Variants in DCTN1 observed in about 807,000 individuals in gnomAD.
The protein encoded by DCTN1 is dynactin subunit 1, also known as 150 kDa dynein-associated polypeptide.
A neutral mutation model predicts 161.2 loss-of-function variants in DCTN1; 61 were observed. The observed-to-expected ratio is 0.38, with a 90% CI of 0.31 to 0.47. The LOEUF (loss-of-function observed/expected upper bound fraction) is 0.47. Ranked by LOEUF, DCTN1 falls within the 20% of genes least tolerant of loss-of-function variation. DCTN1 has a pLI of 0.99. For synonymous variants in DCTN1, 653 were observed against 632.4 expected, an observed-to-expected ratio of 1.03 and a Z score of -0.49; for missense variants, 1,404 against 1,623.7, an observed-to-expected ratio of 0.86 and a Z score of 2.33.
chr2:74,385,413 CCT>C (rs1675684195), intron 1 of DCTN1: 1 of 152,244 alleles, frequency 6.6e-6, no homozygotes, highest in Non-Finnish European at 1.5e-5. Context: ...GATTCCTCCC[CCT>C]GAATCAACCA....
At chr2:74,390,827 C>T (rs1277562552) in intron 1 of DCTN1, 3 of 169,344 alleles carry the variant, frequency 1.8e-5, no homozygotes, top group Admixed American at 5.9e-5. Flanking sequence ...CCATACTGCC[C>T]CTTCTAAATC....
chr2:74,379,516 A>G (rs79820058), intron 1 of DCTN1, among the ~76,000 whole-genome samples: 2,357 of 152,252 alleles, frequency 0.015, 59 homozygotes, highest in African/African-American at 0.054. Context: ...ACCTGACAAT[A>G]AAAGGAATTG....
intron 23 of DCTN1, 99 bp from the exon 24 acceptor site, chr2:74,366,117 C>T: frequency 1.2e-6 from 2 of 1,611,506 alleles, no homozygotes; most frequent in East Asian, 2.2e-5. Context: ...AAAACCCTGC[C>T]TTCTAGGCAG....
chr2:74,371,584 C>T lies in DCTN1; in HGVS notation c.598G>A (p.Val200Ile), dbSNP rs369722109. The T allele has an allele frequency of 6.3e-7, 1 of 1,586,524 alleles. No homozygotes were observed. Among genetic ancestry groups the T allele is most frequent in the African/African-American group, 1.3e-5 (1 of 74,616 alleles). The change falls in exon 8 of 32, where the codon GTC (valine) becomes ATC (isoleucine). Residue 200 changes from valine (V) to isoleucine (I), a missense_variant. Val to Ile is a conservative substitution (Grantham distance 29, BLOSUM62 3). This residue lies in a region of DCTN1 where 174 missense variants were observed against 175.6 expected (regional missense o/e 0.99). Coordinates refer to ENST00000628224, the MANE Select transcript of DCTN1 (RefSeq NM_004082.5). The stretch of plus-strand genomic sequence containing the variant: ...GGGACTGCTCCAGGAGAGGTGAGGA[C>T]CGGCGTGGGGATGATGGGTGCTGCC... ...PLAAPIIPTP[V>I]LTSPGAVPPL...
In DCTN1 at chr2:74,372,006, C is replaced by T. The variant is rs1185930079; in HGVS notation, c.454-278G>A. 1.4e-5 allele frequency: 6 copies of T among 430,210 alleles called. 1 individual carries two copies. The highest frequency in any genetic ancestry group is 9.0e-5 in the South Asian group (4 of 44,648). 26.6% of individuals were successfully genotyped at this position (430,210 alleles called of 1,614,324 possible). On this transcript the variant is annotated intron_variant, in intron 7 of 31. Transcript: ENST00000628224. ...AAAGACATAAGATTATAAGGCTCCT[C>T]GCTTGGCACTGACTCCACATTCCTC...
Position 74,361,220 on chromosome 2 carries a change from T to G in DCTN1, c.*279A>C. 1.7e-6 allele frequency: 1 copy of G among 585,680 alleles called. No homozygotes were observed. Among genetic ancestry groups the G allele is most frequent in the Non-Finnish European group, 3.2e-6 (1 of 311,750 alleles). 36.3% of individuals were successfully genotyped at this position (585,680 alleles called of 1,614,324 possible). A position where few individuals can be genotyped will look rare whatever the true frequency, so the allele number is the denominator to read the frequency against. On this transcript the variant is annotated 3_prime_UTR_variant, in exon 32 of 32. Transcript: ENST00000628224. ...CAATCAAGGGGACCTCACTTAACCT[T>G]TGGTGGTGGGGTCTCAGCCTACCCC...
rs1311574177 is a variant in DCTN1 at position 74,371,518 on chromosome 2, C to T, written c.645+19G>A. The T allele has an allele frequency of 7.7e-6, 12 of 1,556,176 alleles. No individual in the cohort carries two copies. In the African/African-American group the frequency reaches 1.6e-4, roughly 21 times the overall value. On this transcript the variant is annotated intron_variant, in intron 8 of 31. Transcript: ENST00000628224. ...CTCTGGGTGTCTTGATTCTCCTTTA[C>T]CCCTACCCCAGGCCTTACCTTGGAT...
Position 74,369,501 on chromosome 2 carries a change from C to T in DCTN1, c.1393-10G>A. 6.2e-7 allele frequency: 1 copy of T among 1,611,276 alleles called. No individual in the cohort carries two copies. The highest frequency in any genetic ancestry group is 8.5e-7 in the Non-Finnish European group (1 of 1,179,972). ...TCTCATTCATCGCTTCCTAGGACACCACACCATAGTTTGGGCTAAAGAAAG... is the reference window on the plus strand; with the variant it reads ...TCTCATTCATCGCTTCCTAGGACACTACACCATAGTTTGGGCTAAAGAAAG... On this transcript the variant is annotated splice_polypyrimidine_tract_variant and intron_variant, in intron 13 of 31. Transcript: ENST00000628224. This position sits in a 1 kb window ranked among gnomAD's most constrained non-coding sequence, Gnocchi z 4.9.
intron 5 of DCTN1, among the ~76,000 whole-genome samples, chr2:74,376,406 C>T (rs145017446): frequency 8.5e-5 from 13 of 152,316 alleles, no homozygotes; most frequent in Non-Finnish European, 1.2e-4. Flanking sequence ...CGTCCAAGCT[C>T]GGGCTAAGTG....
At chr2:74,373,506 C>G (rs186860127) in intron 6 of DCTN1, 113 of 183,026 alleles carry the variant, frequency 6.2e-4, no homozygotes, top group African/African-American at 2.3e-3. Flanking sequence ...CCCCAACCCC[C>G]TTCCCCAGAA....
At chr2:74,390,545 GA>G in intron 1 of DCTN1, 1 of 407,778 alleles carries the variant, frequency 2.5e-6, no homozygotes. Context: ...TTTTAAATCT[GA>G]AAGAAATATT....
rs554094036 is a variant in DCTN1 at position 74,375,004 on chromosome 2, C to T, written c.415-664G>A. 6.6e-5 allele frequency among the ~76,000 whole-genome samples: 10 copies of T among 152,264 alleles called. No individual in the cohort carries two copies. In the South Asian group the frequency reaches 1.2e-3, roughly 19 times the overall value. On this transcript the variant is annotated intron_variant, in intron 5 of 31. Transcript: ENST00000628224. The stretch of plus-strand genomic sequence containing the variant: ...TCTCATCATACTCACATTCTGCCCC[C>T]GCCACCCACCTACCCACAGCCCCAT...
In DCTN1 at chr2:74,371,102, T is replaced by C; in HGVS notation, c.720A>G (p.Glu240=). The change falls in exon 9 of 32, where the codon GAA becomes GAG. Residue 240 remains glutamate, a synonymous_variant. Transcript: ENST00000628224. Reference sequence around the variant, plus strand: ...CCAGCTCTTTTAGCTTTGCTTTGTCTTCTGCCCGTTTCAGTCTCAGGGTCT... The same window carrying C: ...CCAGCTCTTTTAGCTTTGCTTTGTCCTCTGCCCGTTTCAGTCTCAGGGTCT... ...KLETLRLKRA[E]DKAKLKELEK... The C allele has an allele frequency of 6.2e-7, 1 of 1,614,216 alleles. No homozygotes were observed. Among genetic ancestry groups the C allele is most frequent in the Non-Finnish European group, 8.5e-7 (1 of 1,180,046 alleles).
intron 3 of DCTN1, 49 bp downstream of exon 3, chr2:74,377,599 G>C (rs1374789435): frequency 6.5e-7 from 1 of 1,545,268 alleles, no homozygotes; most frequent in East Asian, 2.2e-5. Context: ...AGAAGTCCTG[G>C]GGACTCCTCC....
chr2:74,389,896 T>C (rs542570409), intron 1 of DCTN1, among the ~76,000 whole-genome samples: 3 of 152,218 alleles, frequency 2.0e-5, no homozygotes, highest in Non-Finnish European at 4.4e-5. Context: ...CAGCTCCGTC[T>C]CCCCCTCCTT....
At chr2:74,383,483 T>C (rs542530330), upstream of DCTN1, among the ~76,000 whole-genome samples, 1 of 152,356 alleles carries the variant, frequency 6.6e-6, no homozygotes, top group East Asian at 1.9e-4. Flanking sequence ...GGAGACTGCA[T>C]AGTGAAAACT....
intron 6 of DCTN1, chr2:74,373,437 C>G (rs193122666): frequency 2.5e-4 from 54 of 216,314 alleles, no homozygotes; most frequent in Middle Eastern, 2.0e-3. Context: ...CGAGCGTAAT[C>G]TAAGCCCAGA....
At chr2:74,374,157 TG>T in intron 6 of DCTN1, 165 bp downstream of exon 6, 1 of 713,688 alleles carries the variant, frequency 1.4e-6, no homozygotes, top group Non-Finnish European at 2.5e-6. Context: ...GCCCAGGGTG[TG>T]GGGCATAGTG....
chr2:74,370,618 T>C lies in DCTN1; in HGVS notation c.1048+3A>G. On this transcript the variant is annotated splice_donor_region_variant and intron_variant, in intron 10 of 31. Coordinates refer to ENST00000628224, the MANE Select transcript of DCTN1 (RefSeq NM_004082.5). This position sits in a 1 kb window ranked among gnomAD's most constrained non-coding sequence, Gnocchi z 4.4. ...TGGCCCCCAGCAGCTGTGGGCCCCTTACCCTTCTCTTCAATCTCAGCCTTG... is the reference window on the plus strand; with the variant it reads ...TGGCCCCCAGCAGCTGTGGGCCCCTCACCCTTCTCTTCAATCTCAGCCTTG... 1.2e-6 allele frequency: 2 copies of C among 1,614,134 alleles called. No individual in the cohort carries two copies. The highest frequency in any genetic ancestry group is 1.7e-6 in the Non-Finnish European group (2 of 1,180,020).
Sources: gnomAD v4.1 joint callset for allele counts (sites outside exome capture counted in the v4.1 genomes callset) on GRCh38, gnomAD v4.1.1 for gene constraint, gnomAD v4.1.1 regional missense constraint, Gnocchi (gnomAD v3.1) non-coding constraint, MANE v1.5 for transcripts, NCBI Gene and HGNC (gene_info 2026-07-23, HGNC 2026-07-21) for gene names.